Variants in MAP7D1 observed in about 807,000 individuals in gnomAD.
The protein encoded by MAP7D1 is MAP7 domain-containing protein 1.
Under a neutral mutation model 97.5 loss-of-function variants are expected in MAP7D1, and 30 were observed. That is an observed-to-expected ratio of 0.31 (90% CI 0.23 to 0.42). The LOEUF (loss-of-function observed/expected upper bound fraction) is 0.42, where lower values mean the gene tolerates loss of function less well. MAP7D1 is among the 10% of genes least tolerant of loss of function. MAP7D1 has a pLI of 1.00. For missense variants in MAP7D1, 1,184 were observed against 1,179.5 expected (o/e 1.00, Z -0.06); for synonymous variants, 536 against 477.1 (o/e 1.12, Z -1.61).
Position 36,178,570 on chromosome 1 carries a change from G to A in MAP7D1, c.1860G>A (p.Glu620=). Residue 620 remains glutamate (E), a synonymous_variant, in exon 10 of 17, where the codon GAG becomes GAA. Coordinates refer to ENST00000474796, the MANE Select transcript of MAP7D1 (RefSeq NM_001388490.1). ...AREQREREEQ[E]RRLQAERDKR... is the part of the protein sequence containing the mutation. ...AGCAGCGGGAGCGCGAGGAGCAGGA[G>A]CGGAGGCTGCAGGCAGAAAGGGACA... 1 of 1,589,088 alleles carries A rather than the reference G, an allele frequency of 6.3e-7. No homozygotes were observed. The highest frequency in any genetic ancestry group is 2.3e-5 in the East Asian group (1 of 43,738).
intron 1 of MAP7D1, among the ~76,000 whole-genome samples, chr1:36,168,698 G>A (rs1644503256): frequency 6.6e-6 from 1 of 152,080 alleles, no homozygotes; most frequent in African/African-American, 2.4e-5. Flanking sequence ...TGGATGGGAA[G>A]GAATGAGGCG....
Position 36,172,514 on chromosome 1 carries a change from C to T in MAP7D1, c.511C>T (p.Arg171Trp), listed in dbSNP as rs555302587. Residue 171 changes from arginine to tryptophan, a missense_variant, in exon 4 of 17, where the codon CGG becomes TGG. By Grantham distance (101) the Arg-to-Trp change is moderately radical (BLOSUM62 -3). Coordinates refer to ENST00000474796, the MANE Select transcript of MAP7D1 (RefSeq NM_001388490.1). Reference sequence around the variant, plus strand: ...GAAGGAGGAGAAGGCCAAGGCGCTGCGGGAGAAGCAGCTCCAGGAGCGCCG... The same window carrying T: ...GAAGGAGGAGAAGGCCAAGGCGCTGTGGGAGAAGCAGCTCCAGGAGCGCCG... ...LEKEEKAKALREKQLQERRRR... is the reference protein window; with the variant it reads ...LEKEEKAKALWEKQLQERRRR... The T allele has an allele frequency of 1.3e-5, 21 of 1,601,868 alleles. No individual in the cohort carries two copies. Among genetic ancestry groups the T allele is most frequent in the Middle Eastern group, 1.8e-4 (1 of 5,420 alleles).
chr1:36,178,831 C>CGGCA lies in MAP7D1; in HGVS notation c.2025+11_2025+12insAGGC. 1 of 1,543,940 alleles carries CGGCA rather than the reference C, an allele frequency of 6.5e-7. No individual in the cohort carries two copies. The highest frequency in any genetic ancestry group is 1.2e-5 in the South Asian group (1 of 83,720). ...GAGCGGCTGCAGAAGCAGGTGCCCC[C>CGGCA]GGCGGGCGGGAAGCGGCTGGGCGCG... is the stretch of plus-strand genomic sequence containing the variant. On this transcript the variant is annotated intron_variant, in intron 11 of 16. Transcript: ENST00000474796.
intron 1 of MAP7D1, among the ~76,000 whole-genome samples, chr1:36,161,635 A>G (rs1166957462): frequency 6.6e-6 from 1 of 152,160 alleles, no homozygotes; most frequent in Non-Finnish European, 1.5e-5. Context: ...TGCTCCTGTT[A>G]ATCGGACTTT....
chr1:36,165,151 T>C (rs190177570), intron 1 of MAP7D1, among the ~76,000 whole-genome samples: 1 of 152,334 alleles, frequency 6.6e-6, no homozygotes, highest in East Asian at 1.9e-4. Flanking sequence ...TGAGACAGCA[T>C]CTTACTCTGT....
In MAP7D1 at chr1:36,160,314, C is replaced by T. The variant is rs191117625; in HGVS notation, c.46+3851C>T. On this transcript the variant is annotated intron_variant, in intron 1 of 16. Coordinates refer to ENST00000474796, the MANE Select transcript of MAP7D1 (RefSeq NM_001388490.1). ...GCTCTGCCCTGAAGGGAGCAGAGAG[C>T]CTGGGAGGGTGTAGGGAACATGGTA... Among the ~76,000 whole-genome samples, 358 of 152,328 alleles carry T rather than the reference C, an allele frequency of 2.4e-3. 1 individual carries two copies. The highest frequency in any genetic ancestry group is 7.9e-3 in the African/African-American group (329 of 41,580).
chr1:36,161,672 C>A (rs983744765), intron 1 of MAP7D1, among the ~76,000 whole-genome samples: 4 of 152,160 alleles, frequency 2.6e-5, no homozygotes, highest in African/African-American at 9.7e-5. Context: ...ATAATTTGCT[C>A]AGAAGGAGCA....
Position 36,178,206 on chromosome 1 carries a change from GAATGAAGAGA to G in MAP7D1, c.1708+6_1708+15del, listed in dbSNP as rs1644658520. 6.4e-7 allele frequency: 1 copy of G among 1,552,412 alleles called. No homozygotes were observed. The highest frequency in any genetic ancestry group is 2.3e-5 in the East Asian group (1 of 42,808). On this transcript the variant is annotated splice_donor_region_variant and intron_variant, in intron 9 of 16. Coordinates refer to ENST00000474796, the MANE Select transcript of MAP7D1 (RefSeq NM_001388490.1). ...CCCCCGCGGAGACCCCTACAGGTAG[GAATGAAGAGA>G]GGGGAGGGGTGGGCCGAGCGAGAGA...
intron 1 of MAP7D1, among the ~76,000 whole-genome samples, chr1:36,158,333 C>G (rs544907694): frequency 6.6e-6 from 1 of 152,222 alleles, no homozygotes; most frequent in East Asian, 1.9e-4. Flanking sequence ...GTGGGGCTTT[C>G]TGGGAGTAAA....
Position 36,179,979 on chromosome 1 carries a change from T to A in MAP7D1, c.2424T>A (p.Ser808Arg). 6.2e-7 allele frequency: 1 copy of A among 1,613,948 alleles called. No individual in the cohort carries two copies. The highest frequency in any genetic ancestry group is 8.5e-7 in the Non-Finnish European group (1 of 1,179,974). ...FSTNGPSGDK[S>R]LSRTPETLLP... Reference sequence around the variant, plus strand: ...CCAACGGACCCTCTGGGGACAAGAGTCTGAGCCGAACACCAGAGACACTCC... The same window carrying A: ...CCAACGGACCCTCTGGGGACAAGAGACTGAGCCGAACACCAGAGACACTCC... The change falls in exon 16 of 17, where the codon AGT becomes AGA. Residue 808 changes from serine to arginine, a missense_variant. Physicochemically the swap from Ser to Arg is moderately radical, Grantham distance 110 (BLOSUM62 -1). Coordinates refer to ENST00000474796, the MANE Select transcript of MAP7D1 (RefSeq NM_001388490.1).
At chr1:36,157,545 CTCTT>C (rs1259206548) in intron 1 of MAP7D1, among the ~76,000 whole-genome samples, 2 of 152,134 alleles carry the variant, frequency 1.3e-5, no homozygotes, top group African/African-American at 2.4e-5. Flanking sequence ...GAGGCGATTT[CTCTT>C]TCTTCCTGGA....
At chr1:36,163,817 C>CTTTTTTTTTTTTTT (rs869169250) in intron 1 of MAP7D1, among the ~76,000 whole-genome samples, 3 of 86,784 alleles carry the variant, frequency 3.5e-5, no homozygotes, top group African/African-American at 1.4e-4. Flanking sequence ...TACTTTTTTT[C>CTTTTTTTTTTTTTT]TTTTTTTTTT....
At chr1:36,163,824 T>C (rs1354249525) in intron 1 of MAP7D1, among the ~76,000 whole-genome samples, 1 of 29,964 alleles carries the variant, frequency 3.3e-5, no homozygotes, top group African/African-American at 6.9e-5. Context: ...TTTCTTTTTT[T>C]TTTTTTTTTT....
chr1:36,169,533 G>T (rs1644514779), intron 1 of MAP7D1, among the ~76,000 whole-genome samples: 1 of 151,692 alleles, frequency 6.6e-6, no homozygotes. Flanking sequence ...TCCAGCCGGG[G>T]TGACAGAGCG....
At position 36,162,551 on chromosome 1, in the gene MAP7D1, G is replaced by A. The variant is rs144284213; in HGVS notation, c.46+6088G>A. Reference sequence around the variant, plus strand: ...CTGGCATGAACAATCCACTTAATCTGTCTGAGTAAATTCTCTCACCTGTGA... The same window carrying A: ...CTGGCATGAACAATCCACTTAATCTATCTGAGTAAATTCTCTCACCTGTGA... On this transcript the variant is annotated intron_variant, in intron 1 of 16. Coordinates refer to ENST00000474796, the MANE Select transcript of MAP7D1 (RefSeq NM_001388490.1). Among the ~76,000 whole-genome samples, 47 of 152,328 alleles carry A rather than the reference G, an allele frequency of 3.1e-4. No homozygotes were observed. The East Asian group carries it at 7.1e-3, about 23-fold the overall frequency.
In MAP7D1 at chr1:36,171,566, C is replaced by G; in HGVS notation, c.445C>G (p.Arg149Gly). 6.2e-7 allele frequency: 1 copy of G among 1,614,060 alleles called. No individual in the cohort carries two copies. Among genetic ancestry groups the G allele is most frequent in the South Asian group, 1.1e-5 (1 of 91,066 alleles). ...GCTGGCAAAGGAGCGGCGAGAAGAGCGGGCCAAGTACCTGGGTGAGTGAGC... is the reference window on the plus strand; with the variant it reads ...GCTGGCAAAGGAGCGGCGAGAAGAGGGGGCCAAGTACCTGGGTGAGTGAGC... ...HKLAKERREERAKYLAAKKAV... is the reference protein window; with the variant it reads ...HKLAKERREEGAKYLAAKKAV... The change falls in exon 3 of 17, where the codon CGG becomes GGG. Residue 149 changes from arginine (R) to glycine (G), a missense_variant. Physicochemically the swap from Arg to Gly is moderately radical, Grantham distance 125 (BLOSUM62 -2). Coordinates refer to ENST00000474796, the MANE Select transcript of MAP7D1 (RefSeq NM_001388490.1).
rs1644572066 is a variant in MAP7D1, at chr1:36,173,270, G to C, written c.625-94G>C. ...AAAAGACTCCAAGGGAAGGGAGTGG[G>C]GGAGGCATTGTCACAGGAGGAAGAA... On this transcript the variant is annotated intron_variant, in intron 4 of 16. Transcript: ENST00000474796. The C allele has an allele frequency of 5.8e-6, 5 of 863,104 alleles. No individual in the cohort carries two copies. In the Admixed American group the frequency reaches 6.4e-5, roughly 11 times the overall value. The allele number at this position is 863,104 out of a possible 1,614,324, so 53.5% of individuals were successfully genotyped here. A position where few individuals can be genotyped will look rare whatever the true frequency, so the allele number is the denominator to read the frequency against.
chr1:36,179,732 C>G lies in MAP7D1; in HGVS notation c.2294C>G (p.Pro765Arg). Reference sequence around the variant, plus strand: ...AAGGAGGCTGTGCAGAAAGAGGAGCCCATCCCACAGGAGCCTCAGTGGAGG... The same window carrying G: ...AAGGAGGCTGTGCAGAAAGAGGAGCGCATCCCACAGGAGCCTCAGTGGAGG... ...LQKEAVQKEE[P>R]IPQEPQWSLP... Residue 765 changes from proline to arginine, a missense_variant, in exon 15 of 17, where the codon CCC becomes CGC. Coordinates refer to ENST00000474796, the MANE Select transcript of MAP7D1 (RefSeq NM_001388490.1). 6.6e-7 allele frequency: 1 copy of G among 1,519,680 alleles called. No individual in the cohort carries two copies. The highest frequency in any genetic ancestry group is 8.8e-7 in the Non-Finnish European group (1 of 1,135,818). 94.1% of individuals were successfully genotyped at this position (1,519,680 alleles called of 1,614,324 possible). A position where few individuals can be genotyped will look rare whatever the true frequency, so the allele number is the denominator to read the frequency against.
chr1:36,176,063 T>G lies in MAP7D1; in HGVS notation c.851-136T>G. 5 of 880,090 alleles carry G rather than the reference T, an allele frequency of 5.7e-6. No homozygotes were observed. Among genetic ancestry groups the G allele is most frequent in the Non-Finnish European group, 6.7e-6 (4 of 595,448 alleles). 54.5% of individuals were successfully genotyped at this position (880,090 alleles called of 1,614,324 possible). On this transcript the variant is annotated intron_variant, in intron 6 of 16. Transcript: ENST00000474796. This position sits in a 1 kb window ranked among gnomAD's most constrained non-coding sequence, Gnocchi z 6.1. ...ATAGGGAGGACAAGTGTGGCCCCGGTGTGATTGTGGGGAGAGGACTCCCGG... is the reference window on the plus strand; with the variant it reads ...ATAGGGAGGACAAGTGTGGCCCCGGGGTGATTGTGGGGAGAGGACTCCCGG...
Sources: gnomAD v4.1 joint callset for allele counts (sites outside exome capture counted in the v4.1 genomes callset) on GRCh38, gnomAD v4.1.1 for gene constraint, Gnocchi (gnomAD v3.1) non-coding constraint, MANE v1.5 for transcripts, NCBI Gene and HGNC (gene_info 2026-07-23, HGNC 2026-07-21) for gene names.